Variants in HCN3 observed in about 807,000 individuals in gnomAD.
HCN3 encodes potassium/sodium hyperpolarization-activated cyclic nucleotide-gated channel 3.
Under a neutral mutation model 56.8 loss-of-function variants are expected in HCN3, and 36 were observed. The ratio of observed to expected loss-of-function variants is 0.63; its 90% CI spans 0.49 to 0.84. The LOEUF is 0.84. Ranked by LOEUF, HCN3 falls within the 40% of genes least tolerant of loss-of-function variation. The probability of loss-of-function intolerance (pLI) is 0.00; values close to 1 mark genes in which losing one functional copy is unlikely to be tolerated. For synonymous variants in HCN3, 425 were observed against 439.7 expected (o/e 0.97, Z 0.42); for missense variants, 930 against 1,079.3 (o/e 0.86, Z 1.94).
chr1:155,284,952 C>A lies in HCN3; in HGVS notation c.1089+195C>A, dbSNP rs1319073997. On this transcript the variant is annotated intron_variant, in intron 4 of 7. Coordinates refer to ENST00000368358, the MANE Select transcript of HCN3 (RefSeq NM_020897.3). The surrounding 1 kb of genome is among the most constrained non-coding windows in gnomAD (Gnocchi z 4.3). ...GCCTGTGCTTGGCCCCTCTGCTGTC[C>A]ACGCCTGGGTTTTCCTATGACTGTG... Among the ~76,000 whole-genome samples the A allele has an allele frequency of 6.6e-6, 1 of 152,200 alleles. No homozygotes were observed. The highest frequency in any genetic ancestry group is 1.5e-5 in the Non-Finnish European group (1 of 68,038).
rs575123350 is a variant in HCN3, at chr1:155,284,689, A to G, written c.1021A>G (p.Met341Val). ...SMIVGATCYA[M>V]FIGHATALIQ... ...GATCGTAGGTGCCACATGCTACGCC[A>G]TGTTCATCGGCCATGCCACGGCACT... is the stretch of plus-strand genomic sequence containing the variant. Residue 341 changes from methionine (M) to valine (V), a missense_variant, in exon 4 of 8, where the codon ATG becomes GTG. Met to Val is a conservative substitution (Grantham distance 21). Coordinates refer to ENST00000368358, the MANE Select transcript of HCN3 (RefSeq NM_020897.3). This position sits in a 1 kb window ranked among gnomAD's most constrained non-coding sequence, Gnocchi z 4.3. The G allele has an allele frequency of 2.4e-4, 381 of 1,614,212 alleles. 3 individuals carry two copies. The South Asian group carries it at 4.0e-3, about 17-fold the overall frequency.
Position 155,288,490 on chromosome 1 carries a change from T to A in HCN3, c.*27T>A, listed in dbSNP as rs1674397309. ...ACCTTTGAGTACATCCAGCCTTAGT[T>A]CTTGGGGTGCAGTAGTATGTACCCA... On this transcript the variant is annotated 3_prime_UTR_variant, in exon 8 of 8. Coordinates refer to ENST00000368358, the MANE Select transcript of HCN3 (RefSeq NM_020897.3). This position sits in a 1 kb window ranked among gnomAD's most constrained non-coding sequence, Gnocchi z 6.5. 6.4e-7 allele frequency: 1 copy of A among 1,557,586 alleles called. No individual in the cohort carries two copies. The highest frequency in any genetic ancestry group is 8.7e-7 in the Non-Finnish European group (1 of 1,153,652).
In HCN3 at chr1:155,288,361, C is replaced by T. The variant is rs1380711708; in HGVS notation, c.2223C>T (p.Pro741=). The part of the protein sequence containing the change: ...RKGSGSERLP[P]SGLLAKPPRT... ...GATCAGGAAGTGAGCGGCTGCCTCC[C>T]TCAGGGCTCCTGGCCAAACCTCCAA... The change falls in exon 8 of 8, where the codon CCC becomes CCT. Residue 741 remains proline, a synonymous_variant. Coordinates refer to ENST00000368358, the MANE Select transcript of HCN3 (RefSeq NM_020897.3). This position sits in a 1 kb window ranked among gnomAD's most constrained non-coding sequence, Gnocchi z 6.5. 1 of 1,613,872 alleles carries T rather than the reference C, an allele frequency of 6.2e-7. No individual in the cohort carries two copies. Among genetic ancestry groups the T allele is most frequent in the Non-Finnish European group, 8.5e-7 (1 of 1,180,010 alleles).
chr1:155,277,931 G>A (rs189401977), intron 1 of HCN3, 63 bp downstream of exon 1: 514 of 1,546,498 alleles, frequency 3.3e-4, no homozygotes, highest in Non-Finnish European at 4.4e-4. Context: ...CAGCGACACC[G>A]GGACCCGGCC....
At chr1:155,283,438 G>A (rs758545995) in intron 2 of HCN3, among the ~76,000 whole-genome samples, 1 of 151,426 alleles carries the variant, frequency 6.6e-6, no homozygotes, top group African/African-American at 2.4e-5. Flanking sequence ...TAAGTTTTAG[G>A]GTACATGTGC....
chr1:155,284,653 A>G lies in HCN3; in HGVS notation c.985A>G (p.Met329Val), dbSNP rs750808091. The change falls in exon 4 of 8, where the codon ATG (methionine) becomes GTG (valine). Residue 329 changes from methionine (M) to valine (V), a missense_variant. Physicochemically the swap from Met to Val is conservative, Grantham distance 21. Coordinates refer to ENST00000368358, the MANE Select transcript of HCN3 (RefSeq NM_020897.3). The surrounding 1 kb of genome is among the most constrained non-coding windows in gnomAD (Gnocchi z 4.3). Reference protein sequence around the residue: ...PVGMPDVWLTMLSMIVGATCY... With the variant: ...PVGMPDVWLTVLSMIVGATCY... ...AGGCATGCCCGACGTCTGGCTCACCATGCTCAGCATGATCGTAGGTGCCAC... is the reference window on the plus strand; with the variant it reads ...AGGCATGCCCGACGTCTGGCTCACCGTGCTCAGCATGATCGTAGGTGCCAC... The G allele has an allele frequency of 2.5e-6, 4 of 1,614,216 alleles. No individual in the cohort carries two copies. The South Asian group carries it at 4.4e-5, about 18-fold the overall frequency.
rs1400894369 is a variant in HCN3, at chr1:155,288,018, A to G, written c.1880A>G (p.Gln627Arg). 6.2e-7 allele frequency: 1 copy of G among 1,613,786 alleles called. No individual in the cohort carries two copies. The highest frequency in any genetic ancestry group is 1.3e-5 in the African/African-American group (1 of 74,854). ...TSNVAIALTH[Q>R]RGPLPLSPDS... ...AATGTGGCCATTGCCCTGACTCATC[A>G]GCGGGGCCCTCTGCCCCTCTCCCCT... The change falls in exon 8 of 8, where the codon CAG (glutamine) becomes CGG (arginine). Residue 627 changes from glutamine (Q) to arginine (R), a missense_variant. Gln to Arg is a conservative substitution (Grantham distance 43). Transcript: ENST00000368358. This position sits in a 1 kb window ranked among gnomAD's most constrained non-coding sequence, Gnocchi z 6.5.
chr1:155,281,254 A>G (rs976924098), intron 1 of HCN3, among the ~76,000 whole-genome samples: 5 of 150,194 alleles, frequency 3.3e-5, no homozygotes, highest in Admixed American at 3.3e-4. Flanking sequence ...TATTTTTCGT[A>G]CAGACGGGGT....
Position 155,277,642 on chromosome 1 carries a change from G to A in HCN3, c.52G>A (p.Gly18Arg), listed in dbSNP as rs1673858870. 1 of 1,554,906 alleles carries A rather than the reference G, an allele frequency of 6.4e-7. No homozygotes were observed. The highest frequency in any genetic ancestry group is 8.7e-7 in the Non-Finnish European group (1 of 1,150,546). The change falls in exon 1 of 8, where the codon GGA becomes AGA. Residue 18 changes from glycine to arginine, a missense_variant. Gly to Arg is a moderately radical substitution (Grantham distance 125). Transcript: ENST00000368358. ...GGGGGCCAGCGAAGGGGCGACCCCTGGACTGGAGGCGGTGCCTCCCGTTGC... is the reference window on the plus strand; with the variant it reads ...GGGGGCCAGCGAAGGGGCGACCCCTAGACTGGAGGCGGTGCCTCCCGTTGC... The part of the protein sequence containing the change: ...AAGASEGATP[G>R]LEAVPPVAPP...
chr1:155,283,255 A>G (rs1404595253), intron 2 of HCN3, among the ~76,000 whole-genome samples: 3 of 151,886 alleles, frequency 2.0e-5, no homozygotes, highest in Non-Finnish European at 4.4e-5. Context: ...ACTATAGGAG[A>G]CTTGGTTTTC....
intron 1 of HCN3, chr1:155,278,528 C>A (rs1449695690): frequency 6.5e-6 from 1 of 154,438 alleles, no homozygotes; most frequent in Non-Finnish European, 1.4e-5. Context: ...ATTTCACAGT[C>A]TCCGTCAGGG....
rs750716314 is a variant in HCN3, at chr1:155,277,672, C to T, written c.82C>T (p.Pro28Ser). ...GGAGGCGGTGCCTCCCGTTGCTCCCCCGCCTGCGACCGCGGCCTCAGGTCC... is the reference window on the plus strand; with the variant it reads ...GGAGGCGGTGCCTCCCGTTGCTCCCTCGCCTGCGACCGCGGCCTCAGGTCC... Reference protein sequence around the residue: ...GLEAVPPVAPPPATAASGPIP... With the variant: ...GLEAVPPVAPSPATAASGPIP... Residue 28 changes from proline to serine, a missense_variant, in exon 1 of 8, where the codon CCG becomes TCG. Coordinates refer to ENST00000368358, the MANE Select transcript of HCN3 (RefSeq NM_020897.3). 10 of 1,557,124 alleles carry T rather than the reference C, an allele frequency of 6.4e-6. No individual in the cohort carries two copies. The highest frequency in any genetic ancestry group is 8.7e-6 in the Non-Finnish European group (10 of 1,151,448).
intron 7 of HCN3, 108 bp from the exon 8 acceptor site, chr1:155,287,673 C>A: frequency 6.9e-7 from 1 of 1,447,850 alleles, no homozygotes; most frequent in Non-Finnish European, 9.3e-7. Flanking sequence ...CTCCCATCCC[C>A]TACCCTCAAC....
Position 155,285,692 on chromosome 1 carries a change from C to CAGCCT in HCN3, c.1237-31_1237-27dup. ...GTGGGATCATCTCAGGTCAGGGGCA[C>CAGCCT]AGCCTGCCTGACAGGCCCCTCCCCT... On this transcript the variant is annotated intron_variant, in intron 5 of 7. Coordinates refer to ENST00000368358, the MANE Select transcript of HCN3 (RefSeq NM_020897.3). This position sits in a 1 kb window ranked among gnomAD's most constrained non-coding sequence, Gnocchi z 4.5. 1 of 1,611,732 alleles carries CAGCCT rather than the reference C, an allele frequency of 6.2e-7. No individual in the cohort carries two copies. The highest frequency in any genetic ancestry group is 8.5e-7 in the Non-Finnish European group (1 of 1,178,600).
chr1:155,284,870 G>A lies in HCN3; in HGVS notation c.1089+113G>A. 9.8e-7 allele frequency: 1 copy of A among 1,018,166 alleles called. No homozygotes were observed. The highest frequency in any genetic ancestry group is 1.4e-6 in the Non-Finnish European group (1 of 695,778). The allele number at this position is 1,018,166 out of a possible 1,614,324, so 63.1% of individuals were successfully genotyped here. On this transcript the variant is annotated intron_variant, in intron 4 of 7. Coordinates refer to ENST00000368358, the MANE Select transcript of HCN3 (RefSeq NM_020897.3). The surrounding 1 kb of genome is among the most constrained non-coding windows in gnomAD (Gnocchi z 4.3). ...CTGTTGCGTCTCTGTTTCCTTTCCT[G>A]CCCTGTGTCCATTTGTTCCCTGCCC...
At chr1:155,283,516 A>G (rs1365147823) in intron 2 of HCN3, among the ~76,000 whole-genome samples, 1 of 149,978 alleles carries the variant, frequency 6.7e-6, no homozygotes, top group Non-Finnish European at 1.5e-5. Flanking sequence ...CTAACTCGTC[A>G]CCTAGCATTA....
chr1:155,287,063 T>C, intron 6 of HCN3, 110 bp from the exon 7 acceptor site: 1 of 1,267,926 alleles, frequency 7.9e-7, no homozygotes, highest in Non-Finnish European at 1.1e-6. Context: ...CAATGGTTTC[T>C]CCCAAGTCTA....
At chr1:155,280,738 ATTTTTTTTTTTTTTTTTT>A (rs34480594) in intron 1 of HCN3, among the ~76,000 whole-genome samples, 3 of 34,538 alleles carry the variant, frequency 8.7e-5, no homozygotes, top group African/African-American at 2.8e-4. Flanking sequence ...ACGCCCAGCT[ATTTTTTTTTTTTTTTTTT>A]TTTTTTTTTT....
chr1:155,287,483 TG>T, intron 7 of HCN3, 146 bp downstream of exon 7: 3 of 954,988 alleles, frequency 3.1e-6, no homozygotes, highest in Non-Finnish European at 3.1e-6. Flanking sequence ...CTTTCAACAC[TG>T]TGGCCCACTG....
Sources: gnomAD v4.1 joint callset for allele counts (sites outside exome capture counted in the v4.1 genomes callset) on GRCh38, gnomAD v4.1.1 for gene constraint, Gnocchi (gnomAD v3.1) non-coding constraint, MANE v1.5 for transcripts, NCBI Gene and HGNC (gene_info 2026-07-23, HGNC 2026-07-21) for gene names.